The following GPC5 variants were observed in gnomAD, a reference collection of about 807,000 sequenced individuals.
GPC5 encodes the protein glypican-5.
Under a neutral mutation model 53.9 loss-of-function variants are expected in GPC5, and 47 were observed. The ratio of observed to expected loss-of-function variants is 0.87; its 90% CI spans 0.69 to 1.11. The LOEUF (loss-of-function observed/expected upper bound fraction) is 1.11, where lower values mean the gene tolerates loss of function less well. Among genes scored for constraint, GPC5 ranks in the 50% most tolerant of loss-of-function variants. The pLI is 0.00. For synonymous variants in GPC5, 286 were observed against 263.3 expected, an observed-to-expected ratio of 1.09 and a Z score of -0.84; for missense variants, 748 against 713.1, an observed-to-expected ratio of 1.05 and a Z score of -0.56.
intron 6 of GPC5, among the ~76,000 whole-genome samples, chr13:92,070,243 A>C (rs1480847950): frequency 6.6e-6 from 1 of 152,242 alleles, no homozygotes; most frequent in Non-Finnish European, 1.5e-5. Flanking sequence ...AGTGTGGCTA[A>C]CAATCTGAAT....
At chr13:92,388,979 A>G (rs1036701993) in intron 7 of GPC5, among the ~76,000 whole-genome samples, 1 of 152,076 alleles carries the variant, frequency 6.6e-6, no homozygotes, top group Non-Finnish European at 1.5e-5. Context: ...TATTCTGTGA[A>G]GTTGTTTATT....
At chr13:92,262,973 T>C (rs1487193990) in intron 7 of GPC5, among the ~76,000 whole-genome samples, 1 of 152,124 alleles carries the variant, frequency 6.6e-6, no homozygotes, top group Non-Finnish European at 1.5e-5. Flanking sequence ...CCATACTCTT[T>C]AGCTATTAGC....
chr13:92,319,388 C>A (rs2043200861), intron 7 of GPC5, among the ~76,000 whole-genome samples: 2 of 144,862 alleles, frequency 1.4e-5, no homozygotes, highest in South Asian at 2.2e-4. Context: ...TTTTTTTCCC[C>A]ATGATAATGC....
intron 5 of GPC5, among the ~76,000 whole-genome samples, chr13:91,846,428 T>C (rs1417258198): frequency 6.6e-6 from 1 of 152,150 alleles, no homozygotes; most frequent in Non-Finnish European, 1.5e-5. Flanking sequence ...ATTCTTTTAT[T>C]GGTTATGGTT....
intron 7 of GPC5, among the ~76,000 whole-genome samples, chr13:92,804,048 T>C (rs778600961): frequency 1.3e-5 from 2 of 151,970 alleles, no homozygotes; most frequent in Non-Finnish European, 2.9e-5. Context: ...AAACTATTGG[T>C]GGGCACAAAG....
At chr13:92,740,393 T>G (rs1226836366) in intron 7 of GPC5, among the ~76,000 whole-genome samples, 2 of 152,136 alleles carry the variant, frequency 1.3e-5, no homozygotes, top group Non-Finnish European at 2.9e-5. Flanking sequence ...TCTCATGCAC[T>G]TTACATCTAT....
intron 7 of GPC5, among the ~76,000 whole-genome samples, chr13:92,515,923 C>G (rs1336496562): frequency 6.6e-6 from 1 of 152,124 alleles, no homozygotes; most frequent in East Asian, 1.9e-4. Context: ...GTTCACATTT[C>G]TTTTCATGAA....
In GPC5 at chr13:91,948,377, T is replaced by TATTC. The variant is rs199857879; in HGVS notation, c.1401+40342_1401+40345dup. 3.4e-3 allele frequency among the ~76,000 whole-genome samples: 523 copies of TATTC among 152,154 alleles called. 1 individual carries two copies. The highest frequency in any genetic ancestry group is 7.7e-3 in the South Asian group (37 of 4,818). ...AATTGATATTGAGGACGAGCATAGATATTCATTCATTCATTCATTCATTCA... is the reference window on the plus strand; with the variant it reads ...AATTGATATTGAGGACGAGCATAGATATTCATTCATTCATTCATTCATTCATTCA... On this transcript the variant is annotated intron_variant, in intron 6 of 7. Transcript: ENST00000377067.
intron 5 of GPC5, among the ~76,000 whole-genome samples, chr13:91,812,426 C>T (rs760666717): frequency 2.0e-5 from 3 of 152,116 alleles, no homozygotes; most frequent in Non-Finnish European, 4.4e-5. Context: ...TTATGAAGTA[C>T]TTTAGCACAC....
At chr13:92,176,747 C>T (rs1209366439) in intron 7 of GPC5, among the ~76,000 whole-genome samples, 2 of 152,178 alleles carry the variant, frequency 1.3e-5, no homozygotes, top group South Asian at 2.1e-4. Flanking sequence ...ACCTCAACGG[C>T]CACATCCAAG....
chr13:92,003,325 C>A (rs1406571769), intron 6 of GPC5, among the ~76,000 whole-genome samples: 358 of 99,976 alleles, frequency 3.6e-3, no homozygotes, highest in African/African-American at 8.1e-3. Flanking sequence ...TGTCTTAACA[C>A]AAAAAAAAAA....
intron 7 of GPC5, among the ~76,000 whole-genome samples, chr13:92,347,863 ATTATATATATAATATATATTATATATATT>A (rs1566549632): frequency 7.3e-4 from 13 of 17,728 alleles, no homozygotes; most frequent in African/African-American, 6.3e-3. Flanking sequence ...ACATATATAT[ATTATATATATAATATATATTATATATATT>A]ATATATATAA....
At chr13:92,127,112 G>T (rs1192916490) in intron 6 of GPC5, among the ~76,000 whole-genome samples, 1 of 151,904 alleles carries the variant, frequency 6.6e-6, no homozygotes, top group Non-Finnish European at 1.5e-5. Flanking sequence ...GGAAGGGGGG[G>T]TGATTGCATA....
At chr13:91,522,018 G>A (rs925241998) in intron 2 of GPC5, among the ~76,000 whole-genome samples, 2 of 152,216 alleles carry the variant, frequency 1.3e-5, no homozygotes, top group Admixed American at 1.3e-4. Flanking sequence ...AGATATATAA[G>A]GCTGGGTATG....
At chr13:91,844,212 A>C (rs1344053399) in intron 5 of GPC5, among the ~76,000 whole-genome samples, 2 of 152,214 alleles carry the variant, frequency 1.3e-5, no homozygotes, top group Admixed American at 6.5e-5. Context: ...TTTAAGGAAA[A>C]GGAGTGGTAA....
intron 7 of GPC5, among the ~76,000 whole-genome samples, chr13:92,694,047 G>T (rs1469404982): frequency 6.6e-6 from 1 of 152,172 alleles, no homozygotes; most frequent in Non-Finnish European, 1.5e-5. Flanking sequence ...AACTGGGGCT[G>T]TTGCTTCAGA....
intron 7 of GPC5, among the ~76,000 whole-genome samples, chr13:92,586,896 A>G (rs1465836084): frequency 1.3e-5 from 2 of 152,018 alleles, no homozygotes; most frequent in Non-Finnish European, 2.9e-5. Flanking sequence ...TTTCTAAACC[A>G]GTTCTTGAAG....
chr13:92,299,952 G>C (rs889138591), intron 7 of GPC5, among the ~76,000 whole-genome samples: 2 of 152,148 alleles, frequency 1.3e-5, no homozygotes, highest in Non-Finnish European at 2.9e-5. Flanking sequence ...AGGATGTTCT[G>C]TAAGGAGTGT....
chr13:91,635,517 T>G (rs1181842060), intron 2 of GPC5, among the ~76,000 whole-genome samples: 2 of 152,140 alleles, frequency 1.3e-5, no homozygotes, highest in Non-Finnish European at 2.9e-5. Flanking sequence ...GTTTTCATCA[T>G]CAGCATTTTC....
Sources: gnomAD v4.1 joint callset for allele counts (sites outside exome capture counted in the v4.1 genomes callset) on GRCh38, gnomAD v4.1.1 for gene constraint, MANE v1.5 for transcripts, NCBI Gene and HGNC (gene_info 2026-07-23, HGNC 2026-07-21) for gene names.